The following ZDHHC3 variants were observed in gnomAD, a reference collection of about 807,000 sequenced individuals.
ZDHHC3 encodes the protein palmitoyltransferase ZDHHC3.
ZDHHC3 carries 9 observed loss-of-function variants against 30.6 expected under a neutral mutation model. The ratio of observed to expected loss-of-function variants is 0.29; its 90% confidence interval spans 0.18 to 0.51. The LOEUF (loss-of-function observed/expected upper bound fraction) is 0.51. Among genes scored for constraint, ZDHHC3 ranks in the 20% least tolerant of loss-of-function variants. The probability of loss-of-function intolerance (pLI) is 0.97; values close to 1 mark genes in which losing one functional copy is unlikely to be tolerated. For missense variants in ZDHHC3, 246 were observed against 384.2 expected, an observed-to-expected ratio of 0.64 and a Z score of 3.01; for synonymous variants, 136 against 140.2, an observed-to-expected ratio of 0.97 and a Z score of 0.21.
At chr3:44,963,235 T>C (rs1200129423) in intron 1 of ZDHHC3, among the ~76,000 whole-genome samples, 3 of 152,194 alleles carry the variant, frequency 2.0e-5, no homozygotes, top group African/African-American at 7.2e-5. Context: ...GGAGCTCTGT[T>C]TTCCCATGAC....
At chr3:44,945,333 T>G in intron 2 of ZDHHC3, 41 bp from the exon 3 acceptor site, 2 of 1,613,508 alleles carry the variant, frequency 1.2e-6, no homozygotes, top group East Asian at 4.5e-5. Context: ...GGCTGGGGGT[T>G]CTATCAGCTC....
chr3:44,963,138 T>C (rs1436555190), intron 1 of ZDHHC3, among the ~76,000 whole-genome samples: 4 of 152,190 alleles, frequency 2.6e-5, no homozygotes, highest in African/African-American at 9.7e-5. Context: ...GTGTGTCAAG[T>C]AGGACCATGA....
intron 3 of ZDHHC3, among the ~76,000 whole-genome samples, chr3:44,943,209 C>G (rs552875544): frequency 4.6e-4 from 70 of 152,338 alleles, no homozygotes; most frequent in Non-Finnish European, 8.7e-4. Flanking sequence ...CATGTGTCAT[C>G]CCCAAACTGG....
chr3:44,936,866 A>G (rs565530002), intron 3 of ZDHHC3, among the ~76,000 whole-genome samples: 215 of 147,934 alleles, frequency 1.5e-3, no homozygotes, highest in Non-Finnish European at 2.5e-3. Flanking sequence ...ACATAAAATA[A>G]AAGTTAAAAC....
chr3:44,957,564 C>T (rs748474667), intron 2 of ZDHHC3, among the ~76,000 whole-genome samples: 48 of 152,208 alleles, frequency 3.2e-4, no homozygotes, highest in Middle Eastern at 3.2e-3. Context: ...TAAATCCATT[C>T]TCTTCCTAAG....
intron 1 of ZDHHC3, chr3:44,969,992 T>C (rs1428677725): frequency 6.6e-6 from 1 of 152,242 alleles, no homozygotes; most frequent in Non-Finnish European, 1.5e-5. Flanking sequence ...CATTGTGTCA[T>C]GTGCAGCCAC....
intron 4 of ZDHHC3, chr3:44,933,543 C>T: frequency 3.7e-6 from 2 of 537,018 alleles, no homozygotes; most frequent in East Asian, 6.4e-5. Flanking sequence ...GCTGAGGGCC[C>T]TTCTAGTCCT....
chr3:44,943,274 A>G (rs780164270), intron 3 of ZDHHC3, among the ~76,000 whole-genome samples: 6 of 152,168 alleles, frequency 3.9e-5, no homozygotes, highest in Non-Finnish European at 5.9e-5. Flanking sequence ...CCGGGACCCA[A>G]ACCTGTCTCT....
In ZDHHC3 at chr3:44,933,886, A is replaced by G. The variant is rs1242112876; in HGVS notation, c.528+2T>C. The G allele has an allele frequency of 6.2e-7, 1 of 1,614,090 alleles. No individual in the cohort carries two copies. Among genetic ancestry groups the G allele is most frequent in the Non-Finnish European group, 8.5e-7 (1 of 1,179,938 alleles). On this transcript the variant is annotated splice_donor_variant, in intron 4 of 6. Coordinates refer to ENST00000424952, the MANE Select transcript of ZDHHC3 (RefSeq NM_001135179.2). LOFTEE classifies it high-confidence loss of function. ...CAGGGCAGAATTTGCAAGCTGACTT[A>G]CTGTAAACAGGACGAAGTACTTCTG...
chr3:44,920,943 T>C lies in ZDHHC3; in HGVS notation c.*5746A>G. 1.5e-5 allele frequency: 15 copies of C among 985,462 alleles called. No homozygotes were observed. The highest frequency in any genetic ancestry group is 1.6e-5 in the Non-Finnish European group (13 of 829,932). 61.0% of individuals were successfully genotyped at this position (985,462 alleles called of 1,614,324 possible). A position where few individuals can be genotyped will look rare whatever the true frequency, so the allele number is the denominator to read the frequency against. On this transcript the variant is annotated 3_prime_UTR_variant, in exon 7 of 7. Coordinates refer to ENST00000424952, the MANE Select transcript of ZDHHC3 (RefSeq NM_001135179.2). ...ATAAAAATGGGCTGAGGGCTGCTTT[T>C]TCCTGGTAGGACTCAATTTTGAGTT...
intron 2 of ZDHHC3, among the ~76,000 whole-genome samples, chr3:44,951,356 G>GT (rs1703432046): frequency 6.6e-6 from 1 of 152,216 alleles, no homozygotes; most frequent in African/African-American, 2.4e-5. Context: ...AATGGTACTT[G>GT]TATGTGCACC....
In ZDHHC3 at chr3:44,916,354, C is replaced by G. The variant is rs1700164131; in HGVS notation, c.*10335G>C. 1 of 152,250 alleles carries G rather than the reference C, an allele frequency of 6.6e-6. No individual in the cohort carries two copies. The highest frequency in any genetic ancestry group is 1.5e-5 in the Non-Finnish European group (1 of 68,070). 9.4% of individuals were successfully genotyped at this position (152,250 alleles called of 1,614,324 possible). ...GTGTCCAAAGATGCTGTCCAAGAAC[C>G]AGGATGCTGCTTGGCTCTTTTCTTT... On this transcript the variant is annotated 3_prime_UTR_variant, in exon 7 of 7. Transcript: ENST00000424952.
intron 2 of ZDHHC3, among the ~76,000 whole-genome samples, chr3:44,957,865 A>G (rs1407416775): frequency 6.6e-6 from 1 of 152,242 alleles, no homozygotes; most frequent in African/African-American, 2.4e-5. Flanking sequence ...TCTGGGGCTT[A>G]GTAGACAGTA....
chr3:44,937,563 T>TG (rs1394942143), intron 3 of ZDHHC3: 1 of 147,838 alleles, frequency 6.8e-6, no homozygotes, highest in East Asian at 2.0e-4. Context: ...TTTTTTTTTT[T>TG]TTTTTTTTTT....
At chr3:44,934,802 G>C (rs1222749159) in intron 3 of ZDHHC3, among the ~76,000 whole-genome samples, 1 of 144,218 alleles carries the variant, frequency 6.9e-6, no homozygotes, top group African/African-American at 2.6e-5. Context: ...TGAGGCAGGA[G>C]AATCACTTGA....
chr3:44,951,844 G>A (rs990324928), intron 2 of ZDHHC3, among the ~76,000 whole-genome samples: 1 of 152,060 alleles, frequency 6.6e-6, no homozygotes. Flanking sequence ...TCTTCCTTGG[G>A]GTCTCCTCAC....
intron 2 of ZDHHC3, among the ~76,000 whole-genome samples, chr3:44,953,056 C>T (rs1703609029): frequency 6.6e-6 from 1 of 152,204 alleles, no homozygotes; most frequent in Non-Finnish European, 1.5e-5. Flanking sequence ...AGGCATAGTT[C>T]CAAATGCTTT....
At chr3:44,945,920 T>C (rs1702890073) in intron 2 of ZDHHC3, among the ~76,000 whole-genome samples, 1 of 152,160 alleles carries the variant, frequency 6.6e-6, no homozygotes, top group African/African-American at 2.4e-5. Flanking sequence ...GTATTTTCAT[T>C]TTACTGGAAT....
At chr3:44,955,189 C>T (rs1399038214) in intron 2 of ZDHHC3, among the ~76,000 whole-genome samples, 1 of 152,172 alleles carries the variant, frequency 6.6e-6, no homozygotes, top group Non-Finnish European at 1.5e-5. Context: ...TTGTCCTCCT[C>T]CCTCTGTTTA....
Sources: allele counts gnomAD v4.1 joint callset (sites outside exome capture counted in the v4.1 genomes callset), GRCh38; gene constraint gnomAD v4.1.1; transcripts MANE v1.5; gene names NCBI Gene and HGNC (gene_info 2026-07-23, HGNC 2026-07-21).